HPS1: variants seen among roughly 807,000 people sequenced by gnomAD.
HPS1 encodes the protein BLOC-3 complex member HPS1.
Under a neutral mutation model 90.6 loss-of-function variants are expected in HPS1, and 59 were observed. The ratio of observed to expected loss-of-function variants is 0.65; its 90% confidence interval spans 0.53 to 0.81. HPS1 has a LOEUF of 0.81. Ranked by LOEUF, HPS1 falls within the 30% of genes least tolerant of loss-of-function variation. The pLI, the probability that HPS1 is intolerant of heterozygous loss-of-function variation, is 0.00. For missense variants in HPS1, 849 were observed against 896.7 expected (o/e 0.95, Z 0.68); for synonymous variants, 388 against 384.4 (o/e 1.01, Z -0.11).
At chr10:98,415,305 C>T (rs1211539975), downstream of HPS1, 9 of 902,994 alleles carry the variant, frequency 1.0e-5, no homozygotes, top group Middle Eastern at 3.4e-4. Context: ...TCCTGCTGCC[C>T]TGGGGCTGTG....
chr10:98,431,044 G>A, intron 7 of HPS1, 87 bp downstream of exon 7: 1 of 1,383,752 alleles, frequency 7.2e-7, no homozygotes, highest in Non-Finnish European at 1.0e-6. Context: ...TTCTTGGCTG[G>A]GCAGGTGGTG....
In HPS1 at chr10:98,417,762, G is replaced by A. The variant is rs775111064; in HGVS notation, c.1941-36C>T. 1.3e-6 allele frequency: 2 copies of A among 1,598,048 alleles called. No homozygotes were observed. The highest frequency in any genetic ancestry group is 1.1e-5 in the South Asian group (1 of 90,688). On this transcript the variant is annotated intron_variant, in intron 19 of 19. Transcript: ENST00000361490. The surrounding 1 kb of genome is among the most constrained non-coding windows in gnomAD (Gnocchi z 4.2). ...AGGGGAGGATGGGATTCAGGAGTGA[G>A]GCTGTGGCACTCCTCCAGCGCCAGA... is the stretch of plus-strand genomic sequence containing the variant.
chr10:98,444,654 G>A (rs1939146764), intron 2 of HPS1, among the ~76,000 whole-genome samples: 1 of 152,242 alleles, frequency 6.6e-6, no homozygotes. Context: ...TCATCCCCAT[G>A]TCCAGCTTAG....
chr10:98,415,096 C>T (rs771051468), downstream of HPS1: 17 of 1,613,884 alleles, frequency 1.1e-5, no homozygotes, highest in South Asian at 1.1e-4. Context: ...AAGGGAGAGG[C>T]GGCCACAGCC....
chr10:98,418,081 G>A, intron 19 of HPS1, 94 bp downstream of exon 19: 2 of 829,846 alleles, frequency 2.4e-6, no homozygotes, highest in South Asian at 3.2e-5. Context: ...TCTGAGGTAG[G>A]GCACTGCTGA....
In HPS1 at chr10:98,435,505, G is replaced by A; in HGVS notation, c.256-91C>T. ...TGCAGACAAGCCAGGGGAGGCTCGG[G>A]TCCCAGGCGGGTTTGATAAGATGCC... On this transcript the variant is annotated intron_variant, in intron 4 of 19. Transcript: ENST00000361490. This position sits in a 1 kb window ranked among gnomAD's most constrained non-coding sequence, Gnocchi z 4.3. The A allele has an allele frequency of 6.2e-7, 1 of 1,609,788 alleles. No individual in the cohort carries two copies. Among genetic ancestry groups the A allele is most frequent in the Non-Finnish European group, 8.5e-7 (1 of 1,176,472 alleles).
chr10:98,417,581 G>A lies in HPS1; in HGVS notation c.2086C>T (p.Arg696Cys), dbSNP rs118116760. Residue 696 changes from arginine to cysteine, a missense_variant, in exon 20 of 20, where the codon CGT becomes TGT. By Grantham distance (180) the Arg-to-Cys change is radical. Coordinates refer to ENST00000361490, the MANE Select transcript of HPS1 (RefSeq NM_000195.5). This position sits in a 1 kb window ranked among gnomAD's most constrained non-coding sequence, Gnocchi z 4.2. ...ACCTTGGCCTAGAGCAGGGGGATAC[G>A]GGAGGCCTCCCAGAGGCGCCGGGCC... ...QLARRLWEAS[R>C]IPLL The A allele has an allele frequency of 9.3e-6, 15 of 1,611,270 alleles. No individual in the cohort carries two copies. Among genetic ancestry groups the A allele is most frequent in the Non-Finnish European group, 1.3e-5 (15 of 1,179,354 alleles).
Position 98,417,782 on chromosome 10 carries a change from G to A in HPS1, c.1941-56C>T, listed in dbSNP as rs576881407. The A allele has an allele frequency of 1.0e-4, 160 of 1,537,328 alleles. No individual in the cohort carries two copies. Among genetic ancestry groups the A allele is most frequent in the Admixed American group, 6.7e-4 (40 of 59,678 alleles). ...AGTGAGGCTGTGGCACTCCTCCAGC[G>A]CCAGAGGCCTCTCTGGGCCCTCGCA... On this transcript the variant is annotated intron_variant, in intron 19 of 19. Coordinates refer to ENST00000361490, the MANE Select transcript of HPS1 (RefSeq NM_000195.5). This position sits in a 1 kb window ranked among gnomAD's most constrained non-coding sequence, Gnocchi z 4.2.
chr10:98,434,149 C>A, intron 5 of HPS1, 58 bp from the exon 6 acceptor site: 1 of 1,506,820 alleles, frequency 6.6e-7, no homozygotes, highest in South Asian at 1.2e-5. Context: ...CTCCCCCACA[C>A]CCAACCAAAG....
intron 2 of HPS1, among the ~76,000 whole-genome samples, chr10:98,444,959 G>A (rs1452009427): frequency 6.6e-6 from 1 of 152,184 alleles, no homozygotes; most frequent in Admixed American, 6.5e-5. Context: ...GGTTGTGAGC[G>A]GAGAAGTGAC....
intron 17 of HPS1, chr10:98,420,402 C>A: frequency 2.1e-6 from 1 of 470,754 alleles, no homozygotes; most frequent in South Asian, 2.0e-5. Flanking sequence ...TGTAACTTTA[C>A]TATACACATA....
chr10:98,443,803 G>T (rs567915434), intron 2 of HPS1, among the ~76,000 whole-genome samples: 1 of 152,094 alleles, frequency 6.6e-6, no homozygotes, highest in East Asian at 1.9e-4. Flanking sequence ...GAGGCCAAGG[G>T]GGGTGGATCA....
At position 98,435,860 on chromosome 10, in the gene HPS1, G is replaced by T. The variant is rs550431299; in HGVS notation, c.118-88C>A. On this transcript the variant is annotated intron_variant, in intron 3 of 19. Coordinates refer to ENST00000361490, the MANE Select transcript of HPS1 (RefSeq NM_000195.5). The surrounding 1 kb of genome is among the most constrained non-coding windows in gnomAD (Gnocchi z 4.3). ...GACAAGATCAGGCCTTGATATCAAG[G>T]GTTCCATAGTGTTAGACCCTCCTGG... 1.9e-6 allele frequency: 3 copies of T among 1,561,218 alleles called. No homozygotes were observed. The highest frequency in any genetic ancestry group is 2.7e-5 in the African/African-American group (2 of 73,898).
rs1225245064 is a variant in HPS1, at chr10:98,444,028, CTCTG to C, written c.1-792_1-789del. ...CTCCAGCCTGGGTGACAGAGCGAGA[CTCTG>C]TCTGAAAAAACAAACAAACAAACAA... is the stretch of plus-strand genomic sequence containing the variant. On this transcript the variant is annotated intron_variant, in intron 2 of 19. Transcript: ENST00000361490. Among the ~76,000 whole-genome samples, 6 of 146,932 alleles carry C rather than the reference CTCTG, an allele frequency of 4.1e-5. No individual in the cohort carries two copies. In the East Asian group the frequency reaches 1.0e-3, roughly 25 times the overall value.
chr10:98,426,209 C>A, intron 11 of HPS1: 1 of 552,270 alleles, frequency 1.8e-6, no homozygotes, highest in East Asian at 3.1e-5. Context: ...GGCCCGGGTG[C>A]CAAGCAGGGC....
intron 17 of HPS1, 85 bp from the exon 18 acceptor site, chr10:98,420,243 A>G: frequency 3.1e-6 from 3 of 967,066 alleles, no homozygotes; most frequent in Admixed American, 1.7e-5. Context: ...GAAAGGGCAC[A>G]GCCGAGAAGC....
intron 10 of HPS1, chr10:98,429,307 A>T: frequency 7.2e-7 from 1 of 1,392,084 alleles, no homozygotes; most frequent in Non-Finnish European, 9.3e-7. Context: ...TGAGTCTGAG[A>T]ATGCATGTAC....
At chr10:98,428,115 C>A (rs1564842963) in intron 10 of HPS1, among the ~76,000 whole-genome samples, 1 of 152,198 alleles carries the variant, frequency 6.6e-6, no homozygotes, top group East Asian at 1.9e-4. Flanking sequence ...GTCTCAGGCT[C>A]ATCAAGAGCT....
chr10:98,444,880 C>G (rs1468352296), intron 2 of HPS1, among the ~76,000 whole-genome samples: 6 of 152,182 alleles, frequency 3.9e-5, no homozygotes, highest in Non-Finnish European at 5.9e-5. Flanking sequence ...CTGGGACTCC[C>G]AGGTACATGT....
Sources: allele counts gnomAD v4.1 joint callset (sites outside exome capture counted in the v4.1 genomes callset), GRCh38; gene constraint gnomAD v4.1.1; non-coding constraint Gnocchi (gnomAD v3.1); transcripts MANE v1.5; gene names NCBI Gene and HGNC (gene_info 2026-07-23, HGNC 2026-07-21).